Variants in RANBP2 observed in about 807,000 individuals in gnomAD.
RANBP2 encodes the protein E3 SUMO-protein ligase RanBP2.
RANBP2 carries 57 observed loss-of-function variants against 303.6 expected under a neutral mutation model. That is an observed-to-expected ratio of 0.19 (90% CI 0.15 to 0.23). The LOEUF (loss-of-function observed/expected upper bound fraction) is 0.23. Among genes scored for constraint, RANBP2 ranks in the 10% least tolerant of loss-of-function variants. The probability of loss-of-function intolerance (pLI) is 1.00; values close to 1 mark genes in which losing one functional copy is unlikely to be tolerated. For missense variants in RANBP2, 3,138 were observed against 3,780.8 expected (o/e 0.83, Z 4.46); for synonymous variants, 1,167 against 1,301.5 (o/e 0.90, Z 2.23).
chr2:108,755,142 T>TA, intron 16 of RANBP2, 34 bp from the exon 17 acceptor site: 2 of 1,611,944 alleles, frequency 1.2e-6, no homozygotes, highest in Non-Finnish European at 1.7e-6. Context: ...CTAAGTGTTT[T>TA]AAATGCTGTT....
the RANBP2 span, among the ~76,000 whole-genome samples, chr2:109,007,542 G>C: frequency 6.6e-6 from 1 of 152,200 alleles, no homozygotes; most frequent in Non-Finnish European, 1.5e-5. Flanking sequence ...GGAGGTCTGA[G>C]AGTAGCCTGC....
the RANBP2 span, chr2:109,617,896 G>GT: frequency 6.2e-6 from 1 of 161,734 alleles, no homozygotes; most frequent in Non-Finnish European, 1.5e-5. Context: ...GTGCGTGCCT[G>GT]TAGTCCCAGC....
At chr2:109,545,519 A>AGTTCG in the RANBP2 span, 789 of 1,536,070 alleles carry the variant, frequency 5.1e-4, 1 homozygote, top group Non-Finnish European at 5.8e-4. Flanking sequence ...AATGCACAGG[A>AGTTCG]GTTCGAATCG....
chr2:109,712,775 T>G, the RANBP2 span, among the ~76,000 whole-genome samples: 3 of 152,338 alleles, frequency 2.0e-5, no homozygotes, highest in African/African-American at 7.2e-5. Flanking sequence ...AAGGCAAATA[T>G]AATCTAGGCC....
the RANBP2 span, among the ~76,000 whole-genome samples, chr2:109,774,503 T>TATATATATATATATA: frequency 1.8e-3 from 1 of 568 alleles, no homozygotes; most frequent in Admixed American, 0.036. Flanking sequence ...AACAAACATA[T>TATATATATATATATA]ATATATATAT....
the RANBP2 span, among the ~76,000 whole-genome samples, chr2:108,971,050 G>GA: frequency 1.3e-5 from 2 of 152,074 alleles, no homozygotes. Flanking sequence ...TGGTGGTGGG[G>GA]AAATCACAGG....
chr2:109,149,283 G>T, the RANBP2 span, among the ~76,000 whole-genome samples: 1 of 152,178 alleles, frequency 6.6e-6, no homozygotes, highest in Non-Finnish European at 1.5e-5. Context: ...CCCGTTCTCT[G>T]GGAGATCCAT....
chr2:109,318,738 G>A, the RANBP2 span, among the ~76,000 whole-genome samples: 1 of 152,162 alleles, frequency 6.6e-6, no homozygotes, highest in Non-Finnish European at 1.5e-5. Flanking sequence ...GCCAGATACT[G>A]ACCCTTCTGG....
At chr2:108,750,640 T>G (rs377245187) in intron 9 of RANBP2, among the ~76,000 whole-genome samples, 1 of 151,138 alleles carries the variant, frequency 6.6e-6, no homozygotes, top group Admixed American at 6.6e-5. Flanking sequence ...CAGGCTGGAG[T>G]GCAGTGGCGC....
the RANBP2 span, among the ~76,000 whole-genome samples, chr2:108,841,228 A>G: frequency 6.6e-6 from 1 of 152,008 alleles, no homozygotes; most frequent in East Asian, 1.9e-4. Flanking sequence ...GGCTGAGAAT[A>G]TGTATTCTGT....
At chr2:109,346,458 A>G in the RANBP2 span, among the ~76,000 whole-genome samples, 2 of 152,184 alleles carry the variant, frequency 1.3e-5, no homozygotes, top group Non-Finnish European at 2.9e-5. Flanking sequence ...TGGTGAGAAA[A>G]TGCGGCTTCT....
chr2:109,531,708 T>C, the RANBP2 span, among the ~76,000 whole-genome samples: 5 of 152,224 alleles, frequency 3.3e-5, no homozygotes, highest in Admixed American at 3.3e-4. Flanking sequence ...TCCAGTGGCA[T>C]ACCACAGGGC....
the RANBP2 span, among the ~76,000 whole-genome samples, chr2:109,295,843 G>T: frequency 2.0e-5 from 3 of 152,190 alleles, no homozygotes; most frequent in East Asian, 3.9e-4. Context: ...GGGCATCTCT[G>T]TGTAGCTTGA....
At chr2:109,384,208 C>T in the RANBP2 span, among the ~76,000 whole-genome samples, 11 of 152,290 alleles carry the variant, frequency 7.2e-5, 1 homozygote, top group South Asian at 1.9e-3. Context: ...GGCCAGGCCC[C>T]GGGGATGCAG....
chr2:109,434,671 C>T, the RANBP2 span, among the ~76,000 whole-genome samples: 4 of 152,202 alleles, frequency 2.6e-5, no homozygotes, highest in African/African-American at 9.7e-5. Flanking sequence ...CTTGCCTGTG[C>T]TGTAGTCGGG....
At chr2:108,838,990 G>A in the RANBP2 span, among the ~76,000 whole-genome samples, 1 of 152,134 alleles carries the variant, frequency 6.6e-6, no homozygotes. Flanking sequence ...CTGGATGAAA[G>A]AAAATGCATA....
the RANBP2 span, among the ~76,000 whole-genome samples, chr2:109,535,263 AGTATAACGTGGCAGAAAAGTGCACAT>A: frequency 2.6e-5 from 4 of 152,266 alleles, 1 homozygote; most frequent in African/African-American, 9.6e-5. Context: ...ATTTTGTTGA[AGTATAACGTGGCAGAAAAGTGCACAT>A]GTACATGGCC....
At chr2:109,559,319 C>T in the RANBP2 span, among the ~76,000 whole-genome samples, 1 of 152,202 alleles carries the variant, frequency 6.6e-6, no homozygotes. Flanking sequence ...CTCAACTTTA[C>T]CCAAGTGATC....
chr2:109,292,052 A>G, the RANBP2 span, among the ~76,000 whole-genome samples: 2 of 152,128 alleles, frequency 1.3e-5, no homozygotes, highest in Non-Finnish European at 2.9e-5. Flanking sequence ...TTTAGTAGAG[A>G]TGAGGTTTCA....
Sources: gnomAD v4.1 joint callset for allele counts (sites outside exome capture counted in the v4.1 genomes callset) on GRCh38, gnomAD v4.1.1 for gene constraint, MANE v1.5 for transcripts, NCBI Gene and HGNC (gene_info 2026-07-23, HGNC 2026-07-21) for gene names.